The following CNTNAP5 variants were observed in gnomAD, a reference collection of about 807,000 sequenced individuals.
CNTNAP5 encodes contactin associated protein family member 5, also known as contactin-associated protein-like 5.
A neutral mutation model predicts 150.2 loss-of-function variants in CNTNAP5; 72 were observed. The ratio of observed to expected loss-of-function variants is 0.48; its 90% confidence interval spans 0.40 to 0.58. The LOEUF is 0.58. CNTNAP5 is among the 20% of genes least tolerant of loss of function. The probability of loss-of-function intolerance (pLI) is 0.00; values close to 1 mark genes in which losing one functional copy is unlikely to be tolerated. For missense variants in CNTNAP5, 1,636 were observed against 1,626.2 expected, an observed-to-expected ratio of 1.01 and a Z score of -0.10; for synonymous variants, 672 against 619.8, an observed-to-expected ratio of 1.08 and a Z score of -1.25.
At chr2:124,913,986 T>A (rs1310032947) in intron 23 of CNTNAP5, 106 bp from the exon 24 acceptor site, 2 of 726,480 alleles carry the variant, frequency 2.8e-6, no homozygotes, top group East Asian at 5.5e-5. Context: ...ATTTGTTTTG[T>A]TTTGCTTTCT....
chr2:124,731,510 A>G (rs1248888879), intron 13 of CNTNAP5, among the ~76,000 whole-genome samples: 1 of 151,946 alleles, frequency 6.6e-6, no homozygotes. Context: ...ATATGGGGAG[A>G]TCAGAGGGAA....
At chr2:124,596,790 C>T (rs1350635548) in intron 11 of CNTNAP5, among the ~76,000 whole-genome samples, 1 of 27,388 alleles carries the variant, frequency 3.7e-5, no homozygotes. Flanking sequence ...CTTTGTAGGT[C>T]ACTCAGGACT....
chr2:124,392,109 G>A (rs1691130358), intron 3 of CNTNAP5, among the ~76,000 whole-genome samples: 2 of 152,172 alleles, frequency 1.3e-5, no homozygotes, highest in Non-Finnish European at 2.9e-5. Context: ...TCCCATCTCT[G>A]TTCTGTGCCC....
At chr2:124,797,749 G>GAGAC (rs1350653509) in intron 18 of CNTNAP5, among the ~76,000 whole-genome samples, 1 of 152,214 alleles carries the variant, frequency 6.6e-6, no homozygotes, top group African/African-American at 2.4e-5. Flanking sequence ...GCTGGAGGCA[G>GAGAC]AGACATGTTA....
intron 14 of CNTNAP5, among the ~76,000 whole-genome samples, chr2:124,757,673 G>A (rs950952349): frequency 2.0e-5 from 3 of 152,032 alleles, no homozygotes; most frequent in Admixed American, 6.6e-5. Context: ...TTTTCCTAGC[G>A]TTATTCTCAG....
intron 3 of CNTNAP5, among the ~76,000 whole-genome samples, chr2:124,319,385 A>G (rs564507148): frequency 1.4e-4 from 22 of 152,304 alleles, no homozygotes; most frequent in Admixed American, 4.6e-4. Flanking sequence ...GGTATCAAAG[A>G]CTATTTTGTA....
chr2:124,158,167 T>C (rs529630478), intron 1 of CNTNAP5, among the ~76,000 whole-genome samples: 1 of 152,284 alleles, frequency 6.6e-6, no homozygotes, highest in Non-Finnish European at 1.5e-5. Context: ...GTTAAGCCAG[T>C]CAATTTGGCC....
chr2:124,690,717 T>A (rs144747792), intron 13 of CNTNAP5, among the ~76,000 whole-genome samples: 1 of 152,174 alleles, frequency 6.6e-6, no homozygotes, highest in African/African-American at 2.4e-5. Context: ...AATACCCCCA[T>A]GTCTGGTACA....
intron 18 of CNTNAP5, among the ~76,000 whole-genome samples, chr2:124,791,138 G>A (rs1393906673): frequency 6.6e-6 from 1 of 152,116 alleles, no homozygotes; most frequent in Admixed American, 6.5e-5. Flanking sequence ...CCTTTACAAA[G>A]CAATGGTTTA....
intron 19 of CNTNAP5, among the ~76,000 whole-genome samples, chr2:124,826,045 A>G (rs1039227763): frequency 1.3e-5 from 2 of 152,148 alleles, no homozygotes; most frequent in African/African-American, 4.8e-5. Flanking sequence ...TCTGTTTTTT[A>G]TATAACAAAC....
At chr2:124,409,111 C>T (rs1201925184) in intron 3 of CNTNAP5, among the ~76,000 whole-genome samples, 8 of 142,378 alleles carry the variant, frequency 5.6e-5, no homozygotes, top group Admixed American at 2.2e-4. Context: ...GGAGCCGATG[C>T]GATCAACTGG....
intron 1 of CNTNAP5, among the ~76,000 whole-genome samples, chr2:124,079,824 G>T (rs532945914): frequency 6.6e-6 from 1 of 152,080 alleles, no homozygotes; most frequent in African/African-American, 2.4e-5. Context: ...GGTTCAAAAT[G>T]CAGGCTCAAT....
chr2:124,164,683 A>C (rs760449293), intron 1 of CNTNAP5, among the ~76,000 whole-genome samples: 13 of 152,156 alleles, frequency 8.5e-5, no homozygotes, highest in Non-Finnish European at 1.6e-4. Context: ...AGAAAGGGAG[A>C]AGAGAGAGGC....
At chr2:124,694,830 T>C (rs555121951) in intron 13 of CNTNAP5, among the ~76,000 whole-genome samples, 6 of 152,184 alleles carry the variant, frequency 3.9e-5, no homozygotes, top group Non-Finnish European at 5.9e-5. Context: ...GTTGAAAGCA[T>C]ATAAACACAA....
Position 124,733,418 on chromosome 2 carries a change from T to C in CNTNAP5, c.2078-13811T>C, listed in dbSNP as rs146638395. Among the ~76,000 whole-genome samples, 178 of 152,190 alleles carry C rather than the reference T, an allele frequency of 1.2e-3. 2 individuals are homozygous for C. Among genetic ancestry groups the C allele is most frequent in the African/African-American group, 4.1e-3 (171 of 41,540 alleles). ...AGAAGACTTCTTATGGGAAAAAGCATTTAAAAAGGGCTTTGAAAAAGAAGG... is the reference window on the plus strand; with the variant it reads ...AGAAGACTTCTTATGGGAAAAAGCACTTAAAAAGGGCTTTGAAAAAGAAGG... On this transcript the variant is annotated intron_variant, in intron 13 of 23. Coordinates refer to ENST00000682447, the MANE Select transcript of CNTNAP5 (RefSeq NM_001367498.1).
chr2:124,255,644 A>G (rs1573870202), intron 3 of CNTNAP5, among the ~76,000 whole-genome samples: 1 of 152,062 alleles, frequency 6.6e-6, no homozygotes, highest in East Asian at 1.9e-4. Flanking sequence ...AGAAAAATGT[A>G]GGAGTCTTTA....
At chr2:124,100,096 C>T (rs1347090199) in intron 1 of CNTNAP5, among the ~76,000 whole-genome samples, 2 of 152,094 alleles carry the variant, frequency 1.3e-5, no homozygotes, top group Non-Finnish European at 2.9e-5. Context: ...GCAGCTTCTG[C>T]TTTTGGGGAG....
chr2:124,123,927 G>A (rs188428208), intron 1 of CNTNAP5, among the ~76,000 whole-genome samples: 381 of 152,144 alleles, frequency 2.5e-3, no homozygotes, highest in Non-Finnish European at 3.8e-3. Flanking sequence ...AAAGACCAAA[G>A]GTAGTTAAAA....
intron 1 of CNTNAP5, among the ~76,000 whole-genome samples, chr2:124,029,768 G>A (rs979239415): frequency 6.6e-6 from 1 of 151,814 alleles, no homozygotes; most frequent in Non-Finnish European, 1.5e-5. Context: ...AAAGTAATGC[G>A]ATATCATTTG....
Sources: allele counts gnomAD v4.1 joint callset (sites outside exome capture counted in the v4.1 genomes callset), GRCh38; gene constraint gnomAD v4.1.1; transcripts MANE v1.5; gene names NCBI Gene and HGNC (gene_info 2026-07-23, HGNC 2026-07-21).